Variants in ZDHHC24 observed in about 807,000 individuals in gnomAD.
ZDHHC24 encodes the protein probable palmitoyltransferase ZDHHC24.
In ZDHHC24, 17 loss-of-function variants were observed where a neutral mutation model predicts 23.2. The ratio of observed to expected loss-of-function variants is 0.73; its 90% CI spans 0.50 to 1.10. ZDHHC24 has a LOEUF of 1.10. Ranked by LOEUF, ZDHHC24 falls within the 50% of genes least tolerant of loss-of-function variation. The pLI, the probability that ZDHHC24 is intolerant of heterozygous loss-of-function variation, is 0.00. For synonymous variants in ZDHHC24, 186 were observed against 194.5 expected, an observed-to-expected ratio of 0.96 and a Z score of 0.36; for missense variants, 366 against 393.0, an observed-to-expected ratio of 0.93 and a Z score of 0.58.
chr11:66,523,984 A>G, intron 4 of ZDHHC24: 1 of 1,541,492 alleles, frequency 6.5e-7, no homozygotes, highest in Non-Finnish European at 8.8e-7. Flanking sequence ...ATGCATTTCA[A>G]AAACATTTGT....
exon 5 of ZDHHC24, chr11:66,521,183 C>G (rs1366795215): frequency 3.1e-6 from 3 of 979,222 alleles, no homozygotes; most frequent in Non-Finnish European, 4.9e-6. Flanking sequence ...GACTTTAGAC[C>G]AGGCACTCAC....
At chr11:66,521,215 C>T (rs1325558994) in exon 5 of ZDHHC24, 1 of 1,348,166 alleles carries the variant, frequency 7.4e-7, no homozygotes, top group African/African-American at 1.4e-5. Context: ...ACTGACAGGG[C>T]AGGGAGGGAC....
At chr11:66,544,018 G>A (rs891355138) in intron 1 of ZDHHC24, 37 bp from the exon 2 acceptor site, 2 of 1,604,770 alleles carry the variant, frequency 1.2e-6, no homozygotes, top group Non-Finnish European at 1.7e-6. Context: ...TCCCCCAGCA[G>A]CTCAGATGCC....
At chr11:66,526,056 A>C (rs567873665) in intron 4 of ZDHHC24, 2 of 1,453,790 alleles carry the variant, frequency 1.4e-6, no homozygotes, top group Non-Finnish European at 1.9e-6. Context: ...GGCCTCCCCT[A>C]CCCATCCCCT....
rs1193964858 is a variant in ZDHHC24 at position 66,544,002 on chromosome 11, G to A, written c.282-21C>T. On this transcript the variant is annotated intron_variant, in intron 1 of 2. Transcript: ENST00000310442. ...AGTAACTGCAGGAAGGAACCACAGC[G>A]TCAGTTCCCCCAGCAGCTCAGATGC... is the stretch of plus-strand genomic sequence containing the variant. The A allele has an allele frequency of 3.7e-6, 6 of 1,609,714 alleles. No homozygotes were observed. The East Asian group carries it at 6.7e-5, about 18-fold the overall frequency.
In ZDHHC24 at chr11:66,545,721, A is replaced by C; in HGVS notation, c.281+2T>G. ...CCCCGCCCGATCCCGCACCCCACTCACGCCCAGCCCTGGCCCAGACCGCGG... is the reference window on the plus strand; with the variant it reads ...CCCCGCCCGATCCCGCACCCCACTCCCGCCCAGCCCTGGCCCAGACCGCGG... On this transcript the variant is annotated splice_donor_variant, in intron 1 of 2. Transcript: ENST00000310442. LOFTEE classifies it high-confidence loss of function. This position sits in a 1 kb window ranked among gnomAD's most constrained non-coding sequence, Gnocchi z 4.5. The C allele has an allele frequency of 2.0e-6, 3 of 1,537,452 alleles. No individual in the cohort carries two copies. In the East Asian group the frequency reaches 7.5e-5, roughly 38 times the overall value.
intron 4 of ZDHHC24, chr11:66,526,551 A>C: frequency 6.6e-7 from 1 of 1,504,258 alleles, no homozygotes; most frequent in East Asian, 2.3e-5. Flanking sequence ...ATGTGTACAG[A>C]AGCAACTCTA....
chr11:66,543,093 G>T (rs575742756), intron 2 of ZDHHC24, among the ~76,000 whole-genome samples: 1 of 152,176 alleles, frequency 6.6e-6, no homozygotes, highest in Non-Finnish European at 1.5e-5. Flanking sequence ...CATTCTGGGG[G>T]TAGAGAACAA....
chr11:66,540,353 G>A (rs1857114735), intron 2 of ZDHHC24, among the ~76,000 whole-genome samples: 1 of 150,132 alleles, frequency 6.7e-6, no homozygotes, highest in African/African-American at 2.5e-5. Context: ...CTTTAACCTG[G>A]GAGGCAGAGG....
chr11:66,532,090 G>A (rs1856810563), downstream of ZDHHC24: 4 of 1,541,990 alleles, frequency 2.6e-6, no homozygotes, highest in Admixed American at 7.7e-5. Flanking sequence ...GAACTGGGCG[G>A]GTTTAGTGGC....
exon 3 of ZDHHC24, chr11:66,529,473 G>A: frequency 4.0e-6 from 3 of 750,402 alleles, no homozygotes; most frequent in Non-Finnish European, 4.7e-6. Flanking sequence ...CAGAGCTGTG[G>A]CAGGACATGG....
downstream of ZDHHC24, chr11:66,532,965 G>A (rs1434531901): frequency 1.3e-5 from 2 of 152,268 alleles, no homozygotes; most frequent in Non-Finnish European, 2.9e-5. Flanking sequence ...TGGGTGGGAA[G>A]TTCCCAGGGC....
Position 66,539,329 on chromosome 11 carries a change from C to A in ZDHHC24, c.*200G>T, listed in dbSNP as rs1170379699. 3 of 1,281,526 alleles carry A rather than the reference C, an allele frequency of 2.3e-6. No individual in the cohort carries two copies. The highest frequency in any genetic ancestry group is 3.9e-5 in the Admixed American group (1 of 25,384). The allele number at this position is 1,281,526 out of a possible 1,614,324, so 79.4% of individuals were successfully genotyped here. A position where few individuals can be genotyped will look rare whatever the true frequency, so the allele number is the denominator to read the frequency against. ...GGCGGCCTGAGCAGCCCCTGCCAGACCCTCCTCTGCACTCCTCTGCCTAAG... is the reference window on the plus strand; with the variant it reads ...GGCGGCCTGAGCAGCCCCTGCCAGAACCTCCTCTGCACTCCTCTGCCTAAG... On this transcript the variant is annotated 3_prime_UTR_variant, in exon 3 of 3. Coordinates refer to ENST00000310442, the MANE Select transcript of ZDHHC24 (RefSeq NM_207340.3).
downstream of ZDHHC24, among the ~76,000 whole-genome samples, chr11:66,531,309 C>T (rs911417715): frequency 1.1e-4 from 16 of 152,232 alleles, no homozygotes; most frequent in African/African-American, 3.6e-4. Flanking sequence ...ACCCCACCTA[C>T]ACCTCCCAGA....
intron 4 of ZDHHC24, chr11:66,523,133 G>A: frequency 2.0e-6 from 1 of 499,338 alleles, no homozygotes; most frequent in Non-Finnish European, 3.9e-6. Context: ...GGCTAGTCCA[G>A]CCAAAGGTAA....
At position 66,543,795 on chromosome 11, in the gene ZDHHC24, C is replaced by G. The variant is rs759249979; in HGVS notation, c.468G>C (p.Leu156=). The change falls in exon 2 of 3, where the codon CTG becomes CTC. Residue 156 remains leucine (L), a synonymous_variant. Transcript: ENST00000310442. The part of the protein sequence containing the change: ...AAGVLLHVSV[L]LGPALSALLR... The stretch of plus-strand genomic sequence containing the variant: ...GCAGGGCCGACAGTGCAGGGCCCAG[C>G]AGCACAGAGACGTGGAGCAGGACGC... 1.9e-6 allele frequency: 3 copies of G among 1,612,800 alleles called. No individual in the cohort carries two copies. The East Asian group carries it at 6.7e-5, about 36-fold the overall frequency.
Position 66,539,672 on chromosome 11 carries a change from C to T in ZDHHC24, c.712G>A (p.Asp238Asn). The T allele has an allele frequency of 6.2e-7, 1 of 1,611,110 alleles. No homozygotes were observed. Among genetic ancestry groups the T allele is most frequent in the Non-Finnish European group, 8.5e-7 (1 of 1,179,452 alleles). The stretch of plus-strand genomic sequence containing the variant: ...TGCAGGTTGTGGCAGGGACCCAGGT[C>T]ATAGGAGTGCTGGCCCCGAGCCCAC... ...WEWARGQHSY[D>N]LGPCHNLQAA... is the part of the protein sequence containing the mutation. Residue 238 changes from aspartate (D) to asparagine (N), a missense_variant, in exon 3 of 3, where the codon GAC becomes AAC. Coordinates refer to ENST00000310442, the MANE Select transcript of ZDHHC24 (RefSeq NM_207340.3).
chr11:66,521,741 A>G, intron 4 of ZDHHC24: 1 of 317,238 alleles, frequency 3.2e-6, no homozygotes. Context: ...CCCCGTCTCT[A>G]CTAAAAATAC....
rs1590767966 is a variant in ZDHHC24 at position 66,524,049 on chromosome 11, G to A, written c.*22-2583C>T. The A allele has an allele frequency of 1.2e-5, 12 of 984,532 alleles. No homozygotes were observed. The East Asian group carries it at 3.2e-4, about 26-fold the overall frequency. The allele number at this position is 984,532 out of a possible 1,614,324, so 61.0% of individuals were successfully genotyped here. On this transcript the variant is annotated intron_variant, in intron 4 of 4. Transcript: ENST00000526986. Reference sequence around the variant, plus strand: ...AATCCCAGCACTTTGGGAGGCCAAGGTGGGCAGATCACCTGAGGTAAGGAG... The same window carrying A: ...AATCCCAGCACTTTGGGAGGCCAAGATGGGCAGATCACCTGAGGTAAGGAG...
Sources: allele counts gnomAD v4.1 joint callset (sites outside exome capture counted in the v4.1 genomes callset), GRCh38; gene constraint gnomAD v4.1.1; non-coding constraint Gnocchi (gnomAD v3.1); transcripts MANE v1.5; gene names NCBI Gene and HGNC (gene_info 2026-07-23, HGNC 2026-07-21).